The following ARL9 variants were observed in gnomAD, a reference collection of about 807,000 sequenced individuals.
ARL9 encodes the protein ARF like GTPase 9, also known as ADP-ribosylation factor-like protein 9.
ARL9 carries 14 observed loss-of-function variants against 27.0 expected under a neutral mutation model. The observed-to-expected ratio is 0.52, with a 90% CI of 0.34 to 0.81. ARL9 has a LOEUF of 0.81. ARL9 is among the 30% of genes least tolerant of loss of function. The pLI, the probability that ARL9 is intolerant of heterozygous loss-of-function variation, is 0.01. For missense variants in ARL9, 294 were observed against 290.0 expected (o/e 1.01, Z -0.10); for synonymous variants, 106 against 108.7 (o/e 0.98, Z 0.15).
upstream of ARL9, chr4:56,505,484 CT>C (rs1721424525): frequency 2.1e-6 from 1 of 471,716 alleles, no homozygotes; most frequent in Non-Finnish European, 4.2e-6. Context: ...ACGTGGAAGG[CT>C]CTTAGCCACC....
chr4:56,505,369 CGGAACCTCT>C (rs1721419990), upstream of ARL9: 1 of 456,988 alleles, frequency 2.2e-6, no homozygotes, highest in African/African-American at 2.0e-5. Flanking sequence ...AGAATCCTCC[CGGAACCTCT>C]GGATTCTGAC....
chr4:56,508,310 G>A (rs931356818), intron 1 of ARL9, among the ~76,000 whole-genome samples: 1 of 152,174 alleles, frequency 6.6e-6, no homozygotes, highest in African/African-American at 2.4e-5. Context: ...AGGGATGGAA[G>A]ACATCTATGA....
In ARL9 at chr4:56,511,358, T is replaced by C; in HGVS notation, c.442+11T>C. The stretch of plus-strand genomic sequence containing the variant: ...TGGAGTTCCTGGAGAGTAAGCTCTC[T>C]GTTCCTTAGTTATAAGATAGCCACA... On this transcript the variant is annotated intron_variant, in intron 2 of 3. Transcript: ENST00000640821. 1 of 1,604,178 alleles carries C rather than the reference T, an allele frequency of 6.2e-7. No individual in the cohort carries two copies. The highest frequency in any genetic ancestry group is 8.5e-7 in the Non-Finnish European group (1 of 1,174,014).
At chr4:56,509,393 T>C (rs906807676) in intron 1 of ARL9, among the ~76,000 whole-genome samples, 1 of 151,174 alleles carries the variant, frequency 6.6e-6, no homozygotes, top group South Asian at 2.1e-4. Flanking sequence ...AGAGACAGGG[T>C]TATGCCGTGA....
intron 3 of ARL9, among the ~76,000 whole-genome samples, chr4:56,521,676 G>C (rs1721922896): frequency 1.3e-5 from 2 of 152,144 alleles, no homozygotes. Context: ...TCTGATGGGT[G>C]AACTTGTTTT....
At chr4:56,509,701 AT>A (rs766835732) in intron 1 of ARL9, among the ~76,000 whole-genome samples, 1,206 of 98,298 alleles carry the variant, frequency 0.012, 20 homozygotes, top group African/African-American at 0.04. Context: ...CACTGGGCTA[AT>A]TTTTTTTTTT....
chr4:56,519,427 T>A (rs918477256), intron 3 of ARL9, among the ~76,000 whole-genome samples: 5 of 152,078 alleles, frequency 3.3e-5, no homozygotes, highest in Non-Finnish European at 5.9e-5. Context: ...CTGGCTAACA[T>A]GGTGAAACCC....
intron 1 of ARL9, among the ~76,000 whole-genome samples, 182 bp from the exon 2 acceptor site, chr4:56,511,003 C>A (rs1721620940): frequency 6.6e-6 from 1 of 152,060 alleles, no homozygotes; most frequent in Admixed American, 6.5e-5. Context: ...GAACTTCTGA[C>A]CTCAAGAGAT....
intron 3 of ARL9, among the ~76,000 whole-genome samples, chr4:56,519,096 A>G (rs1455870941): frequency 2.0e-5 from 3 of 152,224 alleles, no homozygotes; most frequent in Non-Finnish European, 4.4e-5. Context: ...ACTTAGTTCA[A>G]TAAATACATA....
intron 2 of ARL9, among the ~76,000 whole-genome samples, chr4:56,517,050 G>T (rs930743692): frequency 5.3e-5 from 8 of 152,202 alleles, no homozygotes; most frequent in African/African-American, 1.9e-4. Context: ...GGTGTATTTG[G>T]CATTAGTTAC....
rs1721613821 is a variant in ARL9, at chr4:56,510,715, A to G, written c.280-470A>G. 3.3e-5 allele frequency among the ~76,000 whole-genome samples: 5 copies of G among 152,144 alleles called. No individual in the cohort carries two copies. In the South Asian group the frequency reaches 1.0e-3, roughly 31 times the overall value. On this transcript the variant is annotated intron_variant, in intron 1 of 3. Coordinates refer to ENST00000640821, the MANE Select transcript of ARL9 (RefSeq NM_001363794.2). ...CACATAATGAACAGCTCATTAGAAAATATTAACTAGTTGGTACTGTTTGTT... is the reference window on the plus strand; with the variant it reads ...CACATAATGAACAGCTCATTAGAAAGTATTAACTAGTTGGTACTGTTTGTT...
chr4:56,518,191 C>T (rs1721817633), intron 2 of ARL9, among the ~76,000 whole-genome samples: 1 of 151,994 alleles, frequency 6.6e-6, no homozygotes, highest in Non-Finnish European at 1.5e-5. Context: ...CACCACCACA[C>T]CGGCTCATTT....
Position 56,524,139 on chromosome 4 carries a change from A to G in ARL9, c.*263A>G. 1 of 348,190 alleles carries G rather than the reference A, an allele frequency of 2.9e-6. No individual in the cohort carries two copies. The highest frequency in any genetic ancestry group is 4.3e-5 in the Admixed American group (1 of 23,270). 21.6% of individuals were successfully genotyped at this position (348,190 alleles called of 1,614,324 possible). ...AATAATACACATTTTAAAATACAATATAACAACTATTTACATAGCATTTTC... is the reference window on the plus strand; with the variant it reads ...AATAATACACATTTTAAAATACAATGTAACAACTATTTACATAGCATTTTC... On this transcript the variant is annotated 3_prime_UTR_variant, in exon 4 of 4. Coordinates refer to ENST00000640821, the MANE Select transcript of ARL9 (RefSeq NM_001363794.2).
At chr4:56,522,495 G>T (rs1721952221) in intron 3 of ARL9, among the ~76,000 whole-genome samples, 2 of 151,758 alleles carry the variant, frequency 1.3e-5, no homozygotes, top group African/African-American at 4.8e-5. Context: ...ATTTAAAAAT[G>T]ATGATCTTCT....
At position 56,524,033 on chromosome 4, in the gene ARL9, T is replaced by G. The variant is rs1722011098; in HGVS notation, c.*157T>G. ...TAGTTAGCCCTCCATATCCATGGGT[T>G]CCACATCTGGGGATTCAAGAACTGT... On this transcript the variant is annotated 3_prime_UTR_variant, in exon 4 of 4. Coordinates refer to ENST00000640821, the MANE Select transcript of ARL9 (RefSeq NM_001363794.2). The G allele has an allele frequency of 3.5e-6, 2 of 566,682 alleles. No individual in the cohort carries two copies. The highest frequency in any genetic ancestry group is 4.9e-5 in the South Asian group (1 of 20,264). 35.1% of individuals were successfully genotyped at this position (566,682 alleles called of 1,614,324 possible).
At chr4:56,512,832 C>T (rs1219415938) in intron 2 of ARL9, among the ~76,000 whole-genome samples, 2 of 152,030 alleles carry the variant, frequency 1.3e-5, no homozygotes, top group South Asian at 2.1e-4. Flanking sequence ...TGAGCCACTG[C>T]GCCCAGCCCG....
chr4:56,509,205 T>G (rs1721554533), intron 1 of ARL9, among the ~76,000 whole-genome samples: 2 of 135,774 alleles, frequency 1.5e-5, no homozygotes, highest in Non-Finnish European at 3.1e-5. Context: ...CTTTTTCTTT[T>G]TTTTGTTTTT....
intron 2 of ARL9, among the ~76,000 whole-genome samples, chr4:56,514,975 T>C (rs1268496735): frequency 1.3e-5 from 2 of 152,116 alleles, no homozygotes; most frequent in Non-Finnish European, 2.9e-5. Context: ...AATAGCCAGG[T>C]GTGGTGGCTT....
intron 2 of ARL9, among the ~76,000 whole-genome samples, chr4:56,517,064 C>CTTAG (rs771859708): frequency 6.6e-6 from 1 of 152,186 alleles, no homozygotes; most frequent in Non-Finnish European, 1.5e-5. Context: ...TAGTTACATG[C>CTTAG]TTAGATACAA....
Sources: allele counts gnomAD v4.1 joint callset (sites outside exome capture counted in the v4.1 genomes callset), GRCh38; gene constraint gnomAD v4.1.1; transcripts MANE v1.5; gene names NCBI Gene and HGNC (gene_info 2026-07-23, HGNC 2026-07-21).